PDE4B: variants seen among roughly 807,000 people sequenced by gnomAD.
PDE4B encodes the protein phosphodiesterase 4B.
PDE4B carries 20 observed loss-of-function variants against 82.2 expected under a neutral mutation model. The ratio of observed to expected loss-of-function variants is 0.24; its 90% CI spans 0.17 to 0.35. The LOEUF (loss-of-function observed/expected upper bound fraction) is 0.35. PDE4B is among the 10% of genes least tolerant of loss of function. The pLI is 1.00. For missense variants in PDE4B, 655 were observed against 907.2 expected (o/e 0.72, Z 3.57); for synonymous variants, 320 against 318.9 (o/e 1.00, Z -0.04).
intron 1 of PDE4B, among the ~76,000 whole-genome samples, chr1:65,860,700 C>T (rs1358996354): frequency 6.6e-6 from 1 of 152,214 alleles, no homozygotes; most frequent in Non-Finnish European, 1.5e-5. Context: ...ACATCCTCTC[C>T]AGCACCTGTT....
At chr1:65,836,161 C>T (rs1043889710) in intron 1 of PDE4B, among the ~76,000 whole-genome samples, 11 of 152,044 alleles carry the variant, frequency 7.2e-5, no homozygotes, top group African/African-American at 2.2e-4. Flanking sequence ...AGGCTGGTCT[C>T]GAACTTCCTA....
chr1:65,876,442 A>T (rs1039791587), intron 1 of PDE4B, among the ~76,000 whole-genome samples: 3 of 152,158 alleles, frequency 2.0e-5, no homozygotes, highest in African/African-American at 7.2e-5. Context: ...TTACATGTAC[A>T]TACATACATA....
chr1:66,142,530 TG>T (rs1330684742), intron 3 of PDE4B, among the ~76,000 whole-genome samples: 3 of 152,122 alleles, frequency 2.0e-5, no homozygotes, highest in Non-Finnish European at 4.4e-5. Flanking sequence ...CAGAATGCAG[TG>T]TTAGAAAGCA....
At chr1:66,263,086 A>G (rs1334226455) in intron 6 of PDE4B, among the ~76,000 whole-genome samples, 1 of 152,234 alleles carries the variant, frequency 6.6e-6, no homozygotes, top group Non-Finnish European at 1.5e-5. Flanking sequence ...AGCAAATATT[A>G]TGCCAGATCC....
intron 3 of PDE4B, among the ~76,000 whole-genome samples, chr1:66,079,619 A>T (rs1656620970): frequency 6.6e-6 from 1 of 152,180 alleles, no homozygotes; most frequent in South Asian, 2.1e-4. Flanking sequence ...TAGAGAAAAG[A>T]TTAAAGGAGC....
chr1:65,971,319 T>A lies in PDE4B; in HGVS notation c.281+52484T>A, dbSNP rs184687846. On this transcript the variant is annotated intron_variant, in intron 3 of 16. Transcript: ENST00000341517. ...TGGTCCTTTAATAACTTGATTGCTT[T>A]TTCTATATAAAACATCTCCATTAAA... Among the ~76,000 whole-genome samples, 64 of 152,228 alleles carry A rather than the reference T, an allele frequency of 4.2e-4. 1 individual carries two copies. The East Asian group carries it at 0.01, about 25-fold the overall frequency.
At chr1:66,064,532 A>G (rs1000249085) in intron 3 of PDE4B, among the ~76,000 whole-genome samples, 5 of 151,970 alleles carry the variant, frequency 3.3e-5, no homozygotes, top group African/African-American at 9.7e-5. Flanking sequence ...TTGCCCTCCA[A>G]TTTCTTGCTG....
intron 3 of PDE4B, among the ~76,000 whole-genome samples, chr1:66,026,157 T>C (rs1044328763): frequency 4.6e-5 from 7 of 152,194 alleles, no homozygotes; most frequent in African/African-American, 1.7e-4. Context: ...ACCTAGGAAA[T>C]GCCCTTGAAG....
At chr1:66,318,387 A>C (rs976867212) in intron 7 of PDE4B, among the ~76,000 whole-genome samples, 1 of 152,210 alleles carries the variant, frequency 6.6e-6, no homozygotes, top group African/African-American at 2.4e-5. Context: ...AGCCAATCCA[A>C]ATGTCTCCTT....
intron 8 of PDE4B, among the ~76,000 whole-genome samples, chr1:66,350,528 C>T (rs1220784619): frequency 1.3e-5 from 2 of 152,006 alleles, no homozygotes; most frequent in Non-Finnish European, 2.9e-5. Flanking sequence ...TCAGGTCACC[C>T]TCAACAGGCC....
intron 3 of PDE4B, among the ~76,000 whole-genome samples, chr1:66,220,871 A>G (rs920360946): frequency 6.6e-6 from 1 of 152,148 alleles, no homozygotes; most frequent in East Asian, 1.9e-4. Flanking sequence ...TGATATCTTC[A>G]TTTATTTGTC....
At chr1:66,035,999 C>T (rs2100812428) in intron 3 of PDE4B, among the ~76,000 whole-genome samples, 1 of 152,250 alleles carries the variant, frequency 6.6e-6, no homozygotes, top group Middle Eastern at 3.4e-3. Context: ...ACATCCTTAA[C>T]AACATTTGTT....
chr1:66,225,547 C>T (rs1020409119), intron 3 of PDE4B, among the ~76,000 whole-genome samples: 5 of 152,182 alleles, frequency 3.3e-5, no homozygotes, highest in African/African-American at 1.2e-4. Context: ...CACAGGTATA[C>T]CAGCTCCCAT....
At chr1:65,952,743 A>T (rs1399205180) in intron 3 of PDE4B, among the ~76,000 whole-genome samples, 1 of 152,090 alleles carries the variant, frequency 6.6e-6, no homozygotes, top group Non-Finnish European at 1.5e-5. Flanking sequence ...GGCAAACTAC[A>T]CTTTGACTCC....
At chr1:66,205,746 A>C (rs766418307) in intron 3 of PDE4B, among the ~76,000 whole-genome samples, 4 of 152,222 alleles carry the variant, frequency 2.6e-5, no homozygotes, top group Non-Finnish European at 5.9e-5. Flanking sequence ...TTATGTCTAA[A>C]ATAGATTCTG....
chr1:66,108,104 A>G (rs886699222), intron 3 of PDE4B, among the ~76,000 whole-genome samples: 2 of 151,908 alleles, frequency 1.3e-5, no homozygotes, highest in Admixed American at 1.3e-4. Flanking sequence ...GCAATTTTCA[A>G]GTACACAATA....
chr1:66,147,591 TA>T (rs569923883), intron 3 of PDE4B, among the ~76,000 whole-genome samples: 6 of 152,302 alleles, frequency 3.9e-5, no homozygotes, highest in Admixed American at 3.3e-4. Context: ...TGGTGCAGAG[TA>T]AAAGCTATTT....
chr1:66,109,414 C>A (rs1346757391), intron 3 of PDE4B, among the ~76,000 whole-genome samples: 1 of 151,592 alleles, frequency 6.6e-6, no homozygotes, highest in African/African-American at 2.4e-5. Flanking sequence ...AATGAAGGAG[C>A]AGTAAGGTTT....
chr1:65,986,565 A>T (rs1036504943), intron 3 of PDE4B, among the ~76,000 whole-genome samples: 2 of 152,228 alleles, frequency 1.3e-5, no homozygotes, highest in Non-Finnish European at 2.9e-5. Flanking sequence ...GAAATAGCTT[A>T]TTCCATTTTG....
Sources: gnomAD v4.1 joint callset for allele counts (sites outside exome capture counted in the v4.1 genomes callset) on GRCh38, gnomAD v4.1.1 for gene constraint, MANE v1.5 for transcripts, NCBI Gene and HGNC (gene_info 2026-07-23, HGNC 2026-07-21) for gene names.